The following MYOF variants were observed in gnomAD, a reference collection of about 807,000 sequenced individuals.
MYOF encodes the protein fer-1-like 3, myoferlin.
A neutral mutation model predicts 284.2 loss-of-function variants in MYOF; 244 were observed. The observed-to-expected ratio is 0.86, with a 90% confidence interval of 0.77 to 0.95. The LOEUF is 0.95. Ranked by LOEUF, MYOF falls within the 40% of genes least tolerant of loss-of-function variation. The pLI, the probability that MYOF is intolerant of heterozygous loss-of-function variation, is 0.00. For missense variants in MYOF, 2,496 were observed against 2,560.6 expected, an observed-to-expected ratio of 0.97 and a Z score of 0.54; for synonymous variants, 904 against 919.7, an observed-to-expected ratio of 0.98 and a Z score of 0.31.
chr10:93,422,857 G>A (rs3862023), intron 5 of MYOF, among the ~76,000 whole-genome samples: 1 of 151,878 alleles, frequency 6.6e-6, no homozygotes, highest in Non-Finnish European at 1.5e-5. Context: ...ACTAACAAAT[G>A]GTGTGGCGCT....
chr10:93,351,726 G>A lies in MYOF; in HGVS notation c.3602C>T (p.Pro1201Leu). 2 of 1,599,214 alleles carry A rather than the reference G, an allele frequency of 1.3e-6. No individual in the cohort carries two copies. Among genetic ancestry groups the A allele is most frequent in the Non-Finnish European group, 1.7e-6 (2 of 1,176,096 alleles). ...IFDEVEIYGE[P>L]QTVLQNPPKV... ...GGGTGGATTCTGTAGAACTGTTTGG[G>A]GTTCCCCATAGATTTCAACTTCATC... The change falls in exon 33 of 54, where the codon CCC becomes CTC. Residue 1201 changes from proline to leucine, a missense_variant. Around this residue, in one of 3 missense-constraint regions of MYOF, gnomAD observed 2,436 missense variants for 2,480.7 expected, o/e 0.98. Transcript: ENST00000359263.
intron 1 of MYOF, among the ~76,000 whole-genome samples, chr10:93,478,701 G>T (rs956316817): frequency 1.3e-5 from 2 of 151,516 alleles, no homozygotes; most frequent in Admixed American, 1.3e-4. Context: ...GCATGGTGGT[G>T]TGTGCCTATA....
chr10:93,462,177 C>A (rs1055710212), intron 1 of MYOF, among the ~76,000 whole-genome samples: 1 of 151,462 alleles, frequency 6.6e-6, no homozygotes, highest in Non-Finnish European at 1.5e-5. Context: ...TACAATCTCT[C>A]TCCTGCCTCA....
intron 1 of MYOF, among the ~76,000 whole-genome samples, chr10:93,458,915 C>A (rs1022350682): frequency 1.3e-5 from 2 of 152,194 alleles, no homozygotes; most frequent in African/African-American, 4.8e-5. Context: ...GCTCCCAGCA[C>A]ACAGCTGCCT....
chr10:93,464,705 T>G (rs919024293), intron 1 of MYOF, among the ~76,000 whole-genome samples: 1 of 152,320 alleles, frequency 6.6e-6, no homozygotes, highest in Middle Eastern at 3.4e-3. Context: ...ATAACCTTTA[T>G]GATGTGCCCC....
chr10:93,412,903 G>A (rs963912134), intron 5 of MYOF, among the ~76,000 whole-genome samples: 1 of 152,156 alleles, frequency 6.6e-6, no homozygotes, highest in Admixed American at 6.5e-5. Context: ...GGGGCCAGGC[G>A]CTTCCCCTCG....
At chr10:93,474,721 G>C (rs529726201) in intron 1 of MYOF, among the ~76,000 whole-genome samples, 1 of 151,688 alleles carries the variant, frequency 6.6e-6, no homozygotes, top group East Asian at 1.9e-4. Flanking sequence ...TGCAAGGCAG[G>C]AGATATTATT....
At chr10:93,406,485 A>C (rs1847594184) in intron 7 of MYOF, among the ~76,000 whole-genome samples, 1 of 150,822 alleles carries the variant, frequency 6.6e-6, no homozygotes, top group Non-Finnish European at 1.5e-5. Context: ...AATGCAGCTG[A>C]GTCAACAGGA....
At chr10:93,429,413 C>T (rs558452307) in intron 4 of MYOF, among the ~76,000 whole-genome samples, 1 of 152,254 alleles carries the variant, frequency 6.6e-6, no homozygotes, top group East Asian at 1.9e-4. Context: ...GCCAAATGGA[C>T]TAACACACTC....
At chr10:93,405,860 C>T (rs112196282) in intron 7 of MYOF, among the ~76,000 whole-genome samples, 13,869 of 146,746 alleles carry the variant, frequency 0.095, 932 homozygotes, top group African/African-American at 0.19. Context: ...TGCAGTGGCA[C>T]GATCTTGGCT....
At chr10:93,392,835 T>G in intron 17 of MYOF, 82 bp downstream of exon 17, 1 of 1,330,492 alleles carries the variant, frequency 7.5e-7, no homozygotes, top group South Asian at 1.3e-5. Flanking sequence ...CAAAAAAAAG[T>G]TCTAAAGACA....
intron 6 of MYOF, 120 bp from the exon 7 acceptor site, chr10:93,409,035 T>A: frequency 1.4e-6 from 2 of 1,462,004 alleles, no homozygotes; most frequent in Non-Finnish European, 1.9e-6. Flanking sequence ...CCAGGGCAGC[T>A]TTGTGCTATA....
chr10:93,438,379 A>G (rs1244203871), intron 3 of MYOF, among the ~76,000 whole-genome samples: 1 of 152,148 alleles, frequency 6.6e-6, no homozygotes, highest in East Asian at 1.9e-4. Context: ...CAACACGCCC[A>G]TGGCAGCAGC....
At chr10:93,353,203 C>T (rs1589432735) in intron 32 of MYOF, among the ~76,000 whole-genome samples, 2 of 152,254 alleles carry the variant, frequency 1.3e-5, no homozygotes, top group East Asian at 3.9e-4. Flanking sequence ...GGACTCAAAT[C>T]CCCAGACAGG....
intron 3 of MYOF, among the ~76,000 whole-genome samples, chr10:93,447,660 C>G (rs920778737): frequency 6.6e-6 from 1 of 152,120 alleles, no homozygotes; most frequent in Non-Finnish European, 1.5e-5. Context: ...GTCTCTCGTT[C>G]GCCAGCTAAT....
intron 16 of MYOF, among the ~76,000 whole-genome samples, chr10:93,395,726 C>T (rs980866479): frequency 2.6e-5 from 4 of 151,512 alleles, no homozygotes; most frequent in African/African-American, 9.7e-5. Context: ...CCAAGGGATT[C>T]GGTTGAGAAG....
chr10:93,444,709 C>G (rs79710642), intron 3 of MYOF, among the ~76,000 whole-genome samples: 3,691 of 152,372 alleles, frequency 0.024, 82 homozygotes, highest in Non-Finnish European at 0.033. Flanking sequence ...TGCAAAAACT[C>G]TACGCAGTAC....
intron 39 of MYOF, among the ~76,000 whole-genome samples, chr10:93,339,115 C>A (rs1001310978): frequency 1.3e-5 from 2 of 149,344 alleles, no homozygotes; most frequent in Non-Finnish European, 1.5e-5. Context: ...TGGCTTCAAG[C>A]GATTCTCCTG....
chr10:93,398,091 A>G (rs547493594), intron 13 of MYOF, among the ~76,000 whole-genome samples: 6 of 152,106 alleles, frequency 3.9e-5, no homozygotes, highest in Admixed American at 1.3e-4. Context: ...TAAAGCCCCA[A>G]TCCTTCCCTG....
Sources: gnomAD v4.1 joint callset for allele counts (sites outside exome capture counted in the v4.1 genomes callset) on GRCh38, gnomAD v4.1.1 for gene constraint, gnomAD v4.1.1 regional missense constraint, MANE v1.5 for transcripts, NCBI Gene and HGNC (gene_info 2026-07-23, HGNC 2026-07-21) for gene names.